The following NEK10 variants were observed in gnomAD, a reference collection of about 807,000 sequenced individuals.
NEK10 encodes the protein serine/threonine-protein kinase Nek10.
In NEK10, 122 loss-of-function variants were observed where a neutral mutation model predicts 159.8. The ratio of observed to expected loss-of-function variants is 0.76; its 90% confidence interval spans 0.66 to 0.89. The LOEUF is 0.89. NEK10 is among the 40% of genes least tolerant of loss of function. The pLI is 0.00. For synonymous variants in NEK10, 466 were observed against 457.1 expected (o/e 1.02, Z -0.25); for missense variants, 1,342 against 1,323.1 (o/e 1.01, Z -0.22).
chr3:27,242,264 C>T (rs180952776), intron 23 of NEK10, among the ~76,000 whole-genome samples: 1 of 152,240 alleles, frequency 6.6e-6, no homozygotes, highest in Admixed American at 6.5e-5. Context: ...TTGCTTCCAG[C>T]CTGACAATAG....
intron 28 of NEK10, 142 bp from the exon 29 acceptor site, chr3:27,172,015 T>C: frequency 1.1e-6 from 1 of 906,020 alleles, no homozygotes; most frequent in Non-Finnish European, 1.6e-6. Flanking sequence ...GGTGGGACTG[T>C]AAATTAGTGT....
At chr3:27,238,699 T>A (rs1954220498) in intron 23 of NEK10, among the ~76,000 whole-genome samples, 1 of 151,708 alleles carries the variant, frequency 6.6e-6, no homozygotes, top group Non-Finnish European at 1.5e-5. Context: ...ACAAATACAT[T>A]ACTGTATTAC....
chr3:27,363,892 C>T (rs560421489), intron 1 of NEK10: 1 of 152,248 alleles, frequency 6.6e-6, no homozygotes, highest in African/African-American at 2.4e-5. Context: ...GACTTGGTTT[C>T]CACTTGCCCA....
chr3:27,276,975 G>C (rs992951491), intron 22 of NEK10, among the ~76,000 whole-genome samples: 6 of 152,298 alleles, frequency 3.9e-5, no homozygotes, highest in Admixed American at 2.6e-4. Flanking sequence ...ATGAGGAGTA[G>C]TCACATGACT....
chr3:27,196,005 T>C (rs1949526825), intron 25 of NEK10, among the ~76,000 whole-genome samples: 1 of 152,204 alleles, frequency 6.6e-6, no homozygotes, highest in Admixed American at 6.5e-5. Flanking sequence ...CACCCTCATA[T>C]TGTCTTATGC....
At chr3:27,138,085 A>G (rs2125558513) in intron 31 of NEK10, among the ~76,000 whole-genome samples, 1 of 152,306 alleles carries the variant, frequency 6.6e-6, no homozygotes, top group East Asian at 1.9e-4. Context: ...GGCTCCAGTG[A>G]TGCTCCTGCG....
chr3:27,260,802 G>A (rs916474662), intron 22 of NEK10, among the ~76,000 whole-genome samples: 1 of 152,128 alleles, frequency 6.6e-6, no homozygotes, highest in Admixed American at 6.5e-5. Context: ...AATGGTACCA[G>A]CTCTTCCTTG....
At chr3:27,144,688 T>A (rs1329954770) in intron 30 of NEK10, among the ~76,000 whole-genome samples, 1 of 152,190 alleles carries the variant, frequency 6.6e-6, no homozygotes, top group Non-Finnish European at 1.5e-5. Flanking sequence ...GATTTGTAAA[T>A]GCTCTTTAGA....
chr3:27,182,406 T>C (rs1055859581), intron 26 of NEK10, among the ~76,000 whole-genome samples: 4 of 152,116 alleles, frequency 2.6e-5, no homozygotes, highest in Non-Finnish European at 5.9e-5. Flanking sequence ...CGGTGTGGTA[T>C]TGGTCTAAGA....
Position 27,131,955 on chromosome 3 carries a change from C to T in NEK10, c.3006G>A (p.Arg1002=). Residue 1002 remains arginine (R), a synonymous_variant, in exon 32 of 36, where the codon AGG becomes AGA. Coordinates refer to ENST00000691995, the MANE Select transcript of NEK10 (RefSeq NM_001394966.1). The part of the protein sequence containing the change: ...PPALHHNLKR[R]VIERFKKSLF... ...GGGATTTCTTGAATCTCTCTATAAC[C>T]CTTCTTTTCAAATTGTGGTGCAAAG... 6.2e-7 allele frequency: 1 copy of T among 1,608,182 alleles called. No homozygotes were observed. The highest frequency in any genetic ancestry group is 1.3e-5 in the African/African-American group (1 of 74,828).
In NEK10 at chr3:27,162,746, T is replaced by C. The variant is rs376902224; in HGVS notation, c.2832-8A>G. 78 of 1,613,970 alleles carry C rather than the reference T, an allele frequency of 4.8e-5. No individual in the cohort carries two copies. Among genetic ancestry groups the C allele is most frequent in the Non-Finnish European group, 6.3e-5 (74 of 1,179,992 alleles). ...GTTCCTCCAGTGAAGTCCCTGAAAA[T>C]AGAATTACAGGCCATTAGAATGACC... is the stretch of plus-strand genomic sequence containing the variant. On this transcript the variant is annotated splice_region_variant and splice_polypyrimidine_tract_variant and intron_variant, in intron 29 of 35. Coordinates refer to ENST00000691995, the MANE Select transcript of NEK10 (RefSeq NM_001394966.1).
chr3:27,162,563 G>C, intron 30 of NEK10, 138 bp downstream of exon 30: 1 of 1,614,106 alleles, frequency 6.2e-7, no homozygotes, highest in Non-Finnish European at 8.5e-7. Flanking sequence ...CTGAGCATGT[G>C]GGGTGGCACT....
At chr3:27,269,582 C>A (rs1409974000) in intron 22 of NEK10, among the ~76,000 whole-genome samples, 1 of 152,140 alleles carries the variant, frequency 6.6e-6, no homozygotes, top group African/African-American at 2.4e-5. Context: ...ATAATACACA[C>A]AAATAGACTA....
At chr3:27,368,338 T>C (rs1267150093) in intron 1 of NEK10, among the ~76,000 whole-genome samples, 3 of 148,020 alleles carry the variant, frequency 2.0e-5, no homozygotes, top group South Asian at 4.2e-4. Context: ...TATATACACA[T>C]ATATATATAT....
chr3:27,247,310 GT>G lies in NEK10; in HGVS notation c.2090+8985del, dbSNP rs376013939. Among the ~76,000 whole-genome samples, 1,340 of 152,034 alleles carry G rather than the reference GT, an allele frequency of 8.8e-3. 24 individuals carry two copies. The highest frequency in any genetic ancestry group is 0.03 in the African/African-American group (1,241 of 41,482). On this transcript the variant is annotated intron_variant, in intron 23 of 35. Transcript: ENST00000691995. Reference sequence around the variant, plus strand: ...TGAGGTATGTTCTTTTTGTACCCAGGTTTTTTAGGGCTTTTCATCATGAAGG... The same window carrying G: ...TGAGGTATGTTCTTTTTGTACCCAGGTTTTTAGGGCTTTTCATCATGAAGG...
chr3:27,152,941 C>T (rs1324493598), intron 30 of NEK10, among the ~76,000 whole-genome samples: 9 of 152,138 alleles, frequency 5.9e-5, no homozygotes, highest in Non-Finnish European at 8.8e-5. Flanking sequence ...TGGTAAAAGG[C>T]CTTGTCCAAC....
In NEK10 at chr3:27,291,256, A is replaced by G. The variant is rs758067929; in HGVS notation, c.1605+6T>C. 3.7e-6 allele frequency: 6 copies of G among 1,609,348 alleles called. No individual in the cohort carries two copies. The Admixed American group carries it at 6.8e-5, about 18-fold the overall frequency. On this transcript the variant is annotated splice_donor_region_variant and intron_variant, in intron 18 of 35. Transcript: ENST00000691995. ...TATCAGAAATGTTCCCCAAGGGGAA[A>G]GTCACCTTGTAAACACAGCCAAAAG... is the stretch of plus-strand genomic sequence containing the variant.
At chr3:27,148,492 G>T (rs1944521472) in intron 30 of NEK10, among the ~76,000 whole-genome samples, 1 of 152,114 alleles carries the variant, frequency 6.6e-6, no homozygotes, top group South Asian at 2.1e-4. Flanking sequence ...ATGAACCTAA[G>T]GTCTTTGATA....
At chr3:27,364,588 C>T (rs943916128) in intron 1 of NEK10, among the ~76,000 whole-genome samples, 5 of 152,140 alleles carry the variant, frequency 3.3e-5, no homozygotes, top group Non-Finnish European at 7.4e-5. Context: ...ATGAAAAATA[C>T]TAGAGATAAA....
Sources: allele counts gnomAD v4.1 joint callset (sites outside exome capture counted in the v4.1 genomes callset), GRCh38; gene constraint gnomAD v4.1.1; transcripts MANE v1.5; gene names NCBI Gene and HGNC (gene_info 2026-07-23, HGNC 2026-07-21).